SOX6: variants seen among roughly 807,000 people sequenced by gnomAD.
The protein encoded by SOX6 is SRY-box transcription factor 6.
SOX6 carries 11 observed loss-of-function variants against 97.8 expected under a neutral mutation model. That is an observed-to-expected ratio of 0.11 (90% CI 0.07 to 0.19). SOX6 has a LOEUF of 0.19. Among genes scored for constraint, SOX6 ranks in the 10% least tolerant of loss-of-function variants. The pLI is 1.00. For synonymous variants in SOX6, 360 were observed against 371.4 expected (o/e 0.97, Z 0.35); for missense variants, 810 against 1,039.5 (o/e 0.78, Z 3.04).
rs1190099198 is a variant in SOX6, at chr11:16,046,368, G to A, written c.1623+146C>T. On this transcript the variant is annotated intron_variant, in intron 12 of 15. Coordinates refer to ENST00000683767, the MANE Select transcript of SOX6 (RefSeq NM_001367873.1). ...ACAATAATGCTTACAGATGCTACAT[G>A]ACAGATTTCAGTAAAGTACAAGACA... 1.3e-5 allele frequency: 11 copies of A among 833,500 alleles called. No individual in the cohort carries two copies. The African/African-American group carries it at 1.8e-4, about 14-fold the overall frequency. The allele number at this position is 833,500 out of a possible 1,614,324, so 51.6% of individuals were successfully genotyped here.
At chr11:16,249,119 A>G (rs968010001) in intron 3 of SOX6, among the ~76,000 whole-genome samples, 1 of 152,038 alleles carries the variant, frequency 6.6e-6, no homozygotes, top group Non-Finnish European at 1.5e-5. Flanking sequence ...GAAAAAGAAA[A>G]AAAAAATTGA....
rs888943533 is a variant in SOX6 at position 16,566,791 on chromosome 11, C to T, written n.609+45290G>A. ...TTGGCACTTTCTCCAAAATTAAACA[C>T]GGGACTTTCATATGACCCAATTCCA... On this transcript the variant is annotated intron_variant and non_coding_transcript_variant, in intron 4 of 5. Transcript: ENST00000524520. Among the ~76,000 whole-genome samples, 23 of 152,296 alleles carry T rather than the reference C, an allele frequency of 1.5e-4. No individual in the cohort carries two copies. The East Asian group carries it at 2.7e-3, about 18-fold the overall frequency.
intron 13 of SOX6, among the ~76,000 whole-genome samples, chr11:16,008,948 G>A (rs1372708390): frequency 2.0e-5 from 3 of 151,884 alleles, no homozygotes; most frequent in Non-Finnish European, 4.4e-5. Context: ...ACCCATCCTG[G>A]CCTCAGTCAC....
intron 6 of SOX6, among the ~76,000 whole-genome samples, chr11:16,120,953 T>G (rs1247947188): frequency 6.7e-6 from 1 of 149,856 alleles, no homozygotes; most frequent in African/African-American, 2.4e-5. Context: ...GTACATGTTT[T>G]AAAAATCTTC....
At chr11:16,581,966 A>T (rs1255951955) in intron 4 of SOX6, among the ~76,000 whole-genome samples, 1 of 151,766 alleles carries the variant, frequency 6.6e-6, no homozygotes, top group Non-Finnish European at 1.5e-5. Context: ...ATCTCAAAAA[A>T]AAAAAAAAAA....
intron 6 of SOX6, among the ~76,000 whole-genome samples, chr11:16,166,082 T>A (rs916512395): frequency 6.6e-6 from 1 of 152,136 alleles, no homozygotes; most frequent in African/African-American, 2.4e-5. Flanking sequence ...GAAACTGTAG[T>A]ATAAATGTAT....
At chr11:16,637,664 A>T (rs1183762032) in intron 3 of SOX6, among the ~76,000 whole-genome samples, 2 of 152,238 alleles carry the variant, frequency 1.3e-5, no homozygotes, top group Non-Finnish European at 2.9e-5. Context: ...GGATCGAATA[A>T]GATGCCTTAT....
intron 4 of SOX6, among the ~76,000 whole-genome samples, chr11:16,200,048 A>ACTCCAT (rs1337772323): frequency 6.6e-6 from 1 of 152,194 alleles, no homozygotes; most frequent in Non-Finnish European, 1.5e-5. Flanking sequence ...CAAAGAAATG[A>ACTCCAT]CTGTCCATGG....
rs1282131966 is a variant in SOX6 at position 16,046,581 on chromosome 11, G to A, written c.1556C>T (p.Pro519Leu). 1.2e-6 allele frequency: 2 copies of A among 1,613,764 alleles called. No individual in the cohort carries two copies. The highest frequency in any genetic ancestry group is 2.2e-5 in the East Asian group (1 of 44,860). The change falls in exon 12 of 16, where the codon CCA becomes CTA. Residue 519 changes from proline (P) to leucine (L), a missense_variant. Physicochemically the swap from Pro to Leu is moderately conservative, Grantham distance 98 (BLOSUM62 -3). This residue lies in a region of SOX6 where 120 missense variants were observed against 127.0 expected (regional missense o/e 0.94). Coordinates refer to ENST00000683767, the MANE Select transcript of SOX6 (RefSeq NM_001367873.1). ...GGACAGTTTCCCGTCAACACCATGT[G>A]GCTGTTGCTGCTGTTGCTCCCGCTG... ...QIQREQQQQQ[P>L]HGVDGKLSSI...
Position 15,972,559 on chromosome 11 carries a change from G to A in SOX6, c.*250C>T. ...CGGGTTGAGATAAGTTTCAAGTCCT[G>A]GTGTCTCATATTTAATATGTCTTCA... On this transcript the variant is annotated 3_prime_UTR_variant, in exon 16 of 16. Coordinates refer to ENST00000683767, the MANE Select transcript of SOX6 (RefSeq NM_001367873.1). 3.9e-6 allele frequency: 2 copies of A among 518,862 alleles called. No individual in the cohort carries two copies. Among genetic ancestry groups the A allele is most frequent in the Non-Finnish European group, 6.9e-6 (2 of 290,542 alleles). 32.1% of individuals were successfully genotyped at this position (518,862 alleles called of 1,614,324 possible).
intron 2 of SOX6, among the ~76,000 whole-genome samples, chr11:16,320,917 G>A (rs1434548819): frequency 1.3e-5 from 2 of 152,082 alleles, no homozygotes; most frequent in Admixed American, 6.6e-5. Flanking sequence ...AAATGGGGCA[G>A]GGCAGGAAAG....
intron 3 of SOX6, among the ~76,000 whole-genome samples, chr11:16,644,437 T>C (rs776879639): frequency 2.6e-4 from 39 of 152,196 alleles, no homozygotes; most frequent in Non-Finnish European, 5.1e-4. Context: ...AACCCTATTA[T>C]AGCCCTATTA....
rs1324341368 is a variant in SOX6, at chr11:16,284,121, C to G, written c.445+34325G>C. Among the ~76,000 whole-genome samples, 3 of 152,102 alleles carry G rather than the reference C, an allele frequency of 2.0e-5. No individual in the cohort carries two copies. In the East Asian group the frequency reaches 5.8e-4, roughly 29 times the overall value. The stretch of plus-strand genomic sequence containing the variant: ...CTAAGACTACAGATACCTTCTCTCT[C>G]AAGTCTATCAAGCTGCTTCTGATAT... On this transcript the variant is annotated intron_variant, in intron 3 of 15. Coordinates refer to ENST00000683767, the MANE Select transcript of SOX6 (RefSeq NM_001367873.1).
intron 4 of SOX6, among the ~76,000 whole-genome samples, chr11:16,193,486 G>T (rs1851686710): frequency 1.3e-5 from 2 of 152,148 alleles, no homozygotes; most frequent in East Asian, 3.8e-4. Flanking sequence ...TTTAAAATGA[G>T]ATTTAAACCT....
chr11:16,038,389 A>G (rs1240083369), intron 12 of SOX6, among the ~76,000 whole-genome samples: 1 of 152,128 alleles, frequency 6.6e-6, no homozygotes, highest in Non-Finnish European at 1.5e-5. Context: ...CTTTGCTCTT[A>G]TCAACAAACT....
chr11:16,554,720 T>A (rs192541067), intron 4 of SOX6, among the ~76,000 whole-genome samples: 44 of 152,226 alleles, frequency 2.9e-4, no homozygotes, highest in Middle Eastern at 6.8e-3. Context: ...CTGCTATTTC[T>A]TATAAACTAT....
intron 6 of SOX6, among the ~76,000 whole-genome samples, chr11:16,149,285 A>T (rs1330255789): frequency 6.6e-6 from 1 of 152,054 alleles, no homozygotes; most frequent in Non-Finnish European, 1.5e-5. Flanking sequence ...TCCTAGAGAG[A>T]TATATTGCAC....
chr11:16,046,101 T>C (rs1855820528), intron 12 of SOX6, among the ~76,000 whole-genome samples: 2 of 152,212 alleles, frequency 1.3e-5, no homozygotes, highest in Admixed American at 1.3e-4. Context: ...TTTTTTGTCC[T>C]GGTTGACAGG....
At chr11:16,214,710 G>A (rs556260578) in intron 4 of SOX6, among the ~76,000 whole-genome samples, 1 of 149,960 alleles carries the variant, frequency 6.7e-6, no homozygotes, top group Admixed American at 6.6e-5. Flanking sequence ...TCATGGGTCT[G>A]ATTTCTCTTG....
Sources: gnomAD v4.1 joint callset for allele counts (sites outside exome capture counted in the v4.1 genomes callset) on GRCh38, gnomAD v4.1.1 for gene constraint, gnomAD v4.1.1 regional missense constraint, MANE v1.5 for transcripts, NCBI Gene and HGNC (gene_info 2026-07-23, HGNC 2026-07-21) for gene names.